The following CYB5R1 variants were observed in gnomAD, a reference collection of about 807,000 sequenced individuals.
CYB5R1 encodes the protein NADH-cytochrome b5 reductase 1.
Under a neutral mutation model 37.4 loss-of-function variants are expected in CYB5R1, and 32 were observed. The observed-to-expected ratio is 0.86, with a 90% CI of 0.65 to 1.15. The LOEUF (loss-of-function observed/expected upper bound fraction) is 1.15. CYB5R1 is among the 50% of genes most tolerant of loss of function. The pLI is 0.00. For synonymous variants in CYB5R1, 159 were observed against 155.2 expected (o/e 1.02, Z -0.18); for missense variants, 345 against 382.5 (o/e 0.90, Z 0.82).
At chr1:202,966,367 G>T in intron 3 of CYB5R1, 161 bp downstream of exon 3, 2 of 758,042 alleles carry the variant, frequency 2.6e-6, no homozygotes, top group Non-Finnish European at 2.2e-6. Context: ...CTCTAGAGGG[G>T]CCCAGTGGCA....
At position 202,962,612 on chromosome 1, in the gene CYB5R1, CAA is replaced by C. The variant is rs775569567; in HGVS notation, c.831_832del (p.Cys278TrpfsTer50). ...CAGCTGCACCATTGGGGGTGGCCCA[CAA>C]AGCAGTACCAGCACATCATCCCCTG... is the stretch of plus-strand genomic sequence containing the variant. On this transcript the variant is annotated frameshift_variant, in exon 9 of 9. Transcript: ENST00000367249. LOFTEE classifies it high-confidence loss of function. 6.2e-7 allele frequency: 1 copy of C among 1,614,132 alleles called. No homozygotes were observed. Among genetic ancestry groups the C allele is most frequent in the Non-Finnish European group, 8.5e-7 (1 of 1,180,014 alleles).
At chr1:202,963,571 T>C in intron 7 of CYB5R1, 71 bp downstream of exon 7, 1 of 1,183,500 alleles carries the variant, frequency 8.4e-7, no homozygotes, top group Non-Finnish European at 1.2e-6. Context: ...GTTCTGCCCA[T>C]CCATACCACG....
intron 5 of CYB5R1, chr1:202,964,971 A>G (rs527362504): frequency 2.7e-4 from 137 of 499,736 alleles, no homozygotes; most frequent in Non-Finnish European, 6.5e-5. Context: ...ACAGGCACAG[A>G]GCCAGGTGTG....
At chr1:202,963,751 A>G in intron 6 of CYB5R1, 24 bp from the exon 7 acceptor site, 1 of 1,565,006 alleles carries the variant, frequency 6.4e-7, no homozygotes, top group Non-Finnish European at 8.7e-7. Context: ...CCCCACAGTG[A>G]AATGTAGTGG....
Position 202,962,387 on chromosome 1 carries a change from C to T in CYB5R1, c.*140G>A. 1 of 1,046,776 alleles carries T rather than the reference C, an allele frequency of 9.6e-7. No homozygotes were observed. The highest frequency in any genetic ancestry group is 3.3e-4 in the Middle Eastern group (1 of 3,076). The allele number at this position is 1,046,776 out of a possible 1,614,324, so 64.8% of individuals were successfully genotyped here. The stretch of plus-strand genomic sequence containing the variant: ...TTCCATGGCTACAGGAATATTGTTC[C>T]TGCAGGTACTATCCAGATTTCAGCT... On this transcript the variant is annotated 3_prime_UTR_variant, in exon 9 of 9. Transcript: ENST00000367249.
Position 202,966,604 on chromosome 1 carries a change from G to C in CYB5R1, c.166-4C>G, listed in dbSNP as rs752887426. 1 of 1,614,082 alleles carries C rather than the reference G, an allele frequency of 6.2e-7. No homozygotes were observed. Among genetic ancestry groups the C allele is most frequent in the Non-Finnish European group, 8.5e-7 (1 of 1,180,040 alleles). ...TCTTGGTGTTGTGGCTCACAGTCTGGAGGGTGGAGGACACAAGTGTTTCAC... is the reference window on the plus strand; with the variant it reads ...TCTTGGTGTTGTGGCTCACAGTCTGCAGGGTGGAGGACACAAGTGTTTCAC... On this transcript the variant is annotated splice_polypyrimidine_tract_variant and splice_region_variant and intron_variant, in intron 2 of 8. Coordinates refer to ENST00000367249, the MANE Select transcript of CYB5R1 (RefSeq NM_016243.3).
chr1:202,962,909 G>A, intron 8 of CYB5R1, 157 bp downstream of exon 8: 2 of 956,080 alleles, frequency 2.1e-6, no homozygotes, highest in South Asian at 1.3e-5. Flanking sequence ...GGAACCCAAA[G>A]GAAAGGGACC....
In CYB5R1 at chr1:202,963,830, A is replaced by T. The variant is rs1476574286; in HGVS notation, c.560-103T>A. The T allele has an allele frequency of 5.0e-6, 3 of 601,734 alleles. No homozygotes were observed. In the East Asian group the frequency reaches 1.0e-4, roughly 20 times the overall value. The allele number at this position is 601,734 out of a possible 1,614,324, so 37.3% of individuals were successfully genotyped here. On this transcript the variant is annotated intron_variant, in intron 6 of 8. Transcript: ENST00000367249. ...TTCATCTTCATTCTGCTCATTCACC[A>T]CTCCACTCCATTTTCCTTTAGCATT...
intron 3 of CYB5R1, 77 bp from the exon 4 acceptor site, chr1:202,966,070 G>C: frequency 2.0e-6 from 2 of 993,020 alleles, no homozygotes; most frequent in African/African-American, 3.2e-5. Context: ...AGAGATTTGA[G>C]AGAACAAGAT....
At chr1:202,966,691 C>G (rs2232843) in intron 2 of CYB5R1, 58 bp downstream of exon 2, 3 of 1,612,320 alleles carry the variant, frequency 1.9e-6, no homozygotes, top group South Asian at 1.1e-5. Flanking sequence ...GCTGTACCCT[C>G]CATGCCAGGA....
At chr1:202,964,740 C>T in intron 5 of CYB5R1, 45 bp from the exon 6 acceptor site, 1 of 1,394,756 alleles carries the variant, frequency 7.2e-7, no homozygotes, top group Non-Finnish European at 1.0e-6. Flanking sequence ...AAAGTCAATA[C>T]AGCGAACTTA....
In CYB5R1 at chr1:202,965,879, C is replaced by T. The variant is rs748535206; in HGVS notation, c.345+8G>A. ...AAGCAGCCCCTGGGTCCCTTCCTAG[C>T]CCCTTACCTTGATGACAAGATCCAC... On this transcript the variant is annotated splice_region_variant and intron_variant, in intron 4 of 8. Transcript: ENST00000367249. 3.1e-6 allele frequency: 5 copies of T among 1,590,948 alleles called. No individual in the cohort carries two copies. The highest frequency in any genetic ancestry group is 1.7e-5 in the Admixed American group (1 of 59,932).
In CYB5R1 at chr1:202,963,800, G is replaced by A. The variant is rs1655039277; in HGVS notation, c.560-73C>T. ...CCTGTCCTGGCTCCTTAGCTGACCA[G>A]CCCTTTCATCTTCATTCTGCTCATT... On this transcript the variant is annotated intron_variant, in intron 6 of 8. Transcript: ENST00000367249. 4.0e-6 allele frequency: 4 copies of A among 999,666 alleles called. No individual in the cohort carries two copies. The Admixed American group carries it at 8.8e-5, about 22-fold the overall frequency. The allele number at this position is 999,666 out of a possible 1,614,324, so 61.9% of individuals were successfully genotyped here.
At chr1:202,964,553 G>A (rs1655048845) in intron 6 of CYB5R1, 59 bp downstream of exon 6, 1 of 1,322,176 alleles carries the variant, frequency 7.6e-7, no homozygotes, top group Non-Finnish European at 1.1e-6. Flanking sequence ...GGGTCACCTA[G>A]GAATTTGCAT....
intron 4 of CYB5R1, among the ~76,000 whole-genome samples, 160 bp downstream of exon 4, chr1:202,965,727 G>A (rs1375835465): frequency 6.6e-6 from 1 of 151,744 alleles, no homozygotes; most frequent in South Asian, 2.1e-4. Context: ...CCGCCTCCTG[G>A]GTTCAAGTGA....
intron 8 of CYB5R1, 53 bp from the exon 9 acceptor site, chr1:202,962,752 G>T: frequency 6.3e-7 from 1 of 1,596,006 alleles, no homozygotes; most frequent in Non-Finnish European, 8.6e-7. Context: ...TGCTGGCAAG[G>T]GGGTGTGGTG....
chr1:202,964,832 G>C (rs1237136674), intron 5 of CYB5R1, 137 bp from the exon 6 acceptor site: 2 of 695,448 alleles, frequency 2.9e-6, no homozygotes, highest in Non-Finnish European at 5.2e-6. Context: ...TTGGGTGGAA[G>C]CTTGAGTTGA....
At chr1:202,965,126 A>G in intron 5 of CYB5R1, 1 of 478,014 alleles carries the variant, frequency 2.1e-6, no homozygotes, top group South Asian at 3.1e-5. Context: ...GAAGAGGGGC[A>G]CATGTTTGCT....
intron 5 of CYB5R1, 163 bp from the exon 6 acceptor site, chr1:202,964,858 A>C: frequency 1.6e-6 from 1 of 644,414 alleles, no homozygotes; most frequent in South Asian, 1.8e-5. Context: ...CCCTGACAAT[A>C]ATATAGTTGA....
Sources: gnomAD v4.1 joint callset for allele counts (sites outside exome capture counted in the v4.1 genomes callset) on GRCh38, gnomAD v4.1.1 for gene constraint, MANE v1.5 for transcripts, NCBI Gene and HGNC (gene_info 2026-07-23, HGNC 2026-07-21) for gene names.